Variants in STK17A observed in about 807,000 individuals in gnomAD.
STK17A encodes the protein serine/threonine-protein kinase 17A.
STK17A carries 26 observed loss-of-function variants against 43.7 expected under a neutral mutation model. The ratio of observed to expected loss-of-function variants is 0.60; its 90% CI spans 0.44 to 0.83. STK17A has a LOEUF of 0.83. Ranked by LOEUF, STK17A falls within the 40% of genes least tolerant of loss-of-function variation. STK17A has a pLI of 0.00. For synonymous variants in STK17A, 191 were observed against 182.5 expected, an observed-to-expected ratio of 1.05 and a Z score of -0.38; for missense variants, 476 against 511.6, an observed-to-expected ratio of 0.93 and a Z score of 0.67.
chr7:43,615,780 A>G (rs1000008037), intron 3 of STK17A, among the ~76,000 whole-genome samples: 2 of 151,936 alleles, frequency 1.3e-5, no homozygotes, highest in African/African-American at 4.8e-5. Context: ...TACGGCCTCT[A>G]TACTTCTCTT....
At chr7:43,613,426 T>A (rs914512920) in intron 3 of STK17A, among the ~76,000 whole-genome samples, 1 of 152,232 alleles carries the variant, frequency 6.6e-6, no homozygotes, top group African/African-American at 2.4e-5. Context: ...ATCAGGAACT[T>A]GAGCATCACA....
chr7:43,606,177 A>T (rs1350293718), intron 2 of STK17A, among the ~76,000 whole-genome samples: 1 of 152,156 alleles, frequency 6.6e-6, no homozygotes, highest in Non-Finnish European at 1.5e-5. Flanking sequence ...AGACATACTT[A>T]TTTGTAATTA....
rs757949442 is a variant in STK17A at position 43,583,302 on chromosome 7, C to T, written c.59C>T (p.Ser20Leu). 13 of 1,529,896 alleles carry T rather than the reference C, an allele frequency of 8.5e-6. No individual in the cohort carries two copies. The South Asian group carries it at 8.5e-5, about 10-fold the overall frequency. The allele number at this position is 1,529,896 out of a possible 1,614,324, so 94.8% of individuals were successfully genotyped here. The stretch of plus-strand genomic sequence containing the variant: ...TCCTCCCCAGGCGCCACCTCAGGCT[C>T]GGGCCGGGCAGGCCGGGGTCTGAGC... ...GGSSPGATSG[S>L]GRAGRGLSGP... The change falls in exon 1 of 7, where the codon TCG (serine) becomes TTG (leucine). Residue 20 changes from serine to leucine, a missense_variant. Ser to Leu is a moderately radical substitution (Grantham distance 145). Transcript: ENST00000319357.
chr7:43,608,379 T>C lies in STK17A; in HGVS notation c.543T>C (p.Asp181=). The C allele has an allele frequency of 6.2e-7, 1 of 1,608,380 alleles. No homozygotes were observed. Among genetic ancestry groups the C allele is most frequent in the Non-Finnish European group, 8.5e-7 (1 of 1,178,534 alleles). ...GTGTTCACTTTTTACACACTCGTGA[T>C]GTAGTTCATCTTGATTTGAAGGTAA... The part of the protein sequence containing the change: ...LEGVHFLHTR[D]VVHLDLKPQN... Residue 181 remains aspartate (D), a synonymous_variant, in exon 3 of 7, where the codon GAT becomes GAC. Coordinates refer to ENST00000319357, the MANE Select transcript of STK17A (RefSeq NM_004760.3).
At chr7:43,586,649 G>A (rs1172039803) in intron 1 of STK17A, among the ~76,000 whole-genome samples, 1 of 151,274 alleles carries the variant, frequency 6.6e-6, no homozygotes, top group Non-Finnish European at 1.5e-5. Context: ...ACAGAAAGAT[G>A]TTTCAAGGAA....
intron 2 of STK17A, among the ~76,000 whole-genome samples, chr7:43,596,859 C>T (rs552087802): frequency 1.6e-5 from 2 of 124,338 alleles, no homozygotes; most frequent in East Asian, 4.6e-4. Context: ...CAAAGTGAGA[C>T]TCCATCTCAA....
chr7:43,624,461 C>A, intron 6 of STK17A, 57 bp from the exon 7 acceptor site: 1 of 1,501,962 alleles, frequency 6.7e-7, no homozygotes, highest in Non-Finnish European at 8.9e-7. Flanking sequence ...GTACCTTATG[C>A]TCTAATTTTA....
rs749053977 is a variant in STK17A at position 43,610,695 on chromosome 7, C to T, written c.564+2295C>T. Among the ~76,000 whole-genome samples, 4 of 151,972 alleles carry T rather than the reference C, an allele frequency of 2.6e-5. No individual in the cohort carries two copies. The South Asian group carries it at 6.2e-4, about 24-fold the overall frequency. On this transcript the variant is annotated intron_variant, in intron 3 of 6. Coordinates refer to ENST00000319357, the MANE Select transcript of STK17A (RefSeq NM_004760.3). ...AAAAGAACTGCTATATGGCACATTC[C>T]GTAATACCTTTGTTTATTTATATAG...
Position 43,619,872 on chromosome 7 carries a change from C to A in STK17A, c.691+149C>A. The stretch of plus-strand genomic sequence containing the variant: ...ATCTATTCCTTTGGATTACATTTTA[C>A]AATGGAAAACGTTCAAGAGTAAGAT... On this transcript the variant is annotated intron_variant, in intron 4 of 6. Coordinates refer to ENST00000319357, the MANE Select transcript of STK17A (RefSeq NM_004760.3). 2.7e-6 allele frequency: 3 copies of A among 1,106,662 alleles called. No homozygotes were observed. In the South Asian group the frequency reaches 4.9e-5, roughly 18 times the overall value. 68.6% of individuals were successfully genotyped at this position (1,106,662 alleles called of 1,614,324 possible).
intron 1 of STK17A, among the ~76,000 whole-genome samples, chr7:43,584,104 C>A (rs1035670096): frequency 6.6e-6 from 1 of 152,128 alleles, no homozygotes; most frequent in Non-Finnish European, 1.5e-5. Context: ...CTTCTCCCCC[C>A]ACCCCACGCT....
chr7:43,583,121 C>T lies in STK17A; in HGVS notation c.-123C>T, dbSNP rs1390174403. On this transcript the variant is annotated 5_prime_UTR_variant, in exon 1 of 7. Coordinates refer to ENST00000319357, the MANE Select transcript of STK17A (RefSeq NM_004760.3). ...AGTCTGCCTGCCGCAGTCCGAGCGC[C>T]GCGCTGGGGAGAGCGGGTGTTTGAA... 2 of 1,074,090 alleles carry T rather than the reference C, an allele frequency of 1.9e-6. No homozygotes were observed. Among genetic ancestry groups the T allele is most frequent in the Middle Eastern group, 2.8e-4 (1 of 3,534 alleles). The allele number at this position is 1,074,090 out of a possible 1,614,324, so 66.5% of individuals were successfully genotyped here.
intron 1 of STK17A, among the ~76,000 whole-genome samples, chr7:43,583,758 G>A (rs2082419848): frequency 6.6e-6 from 1 of 152,228 alleles, no homozygotes; most frequent in African/African-American, 2.4e-5. Flanking sequence ...ACGAGAGAAG[G>A]TGCGGGCCGC....
rs2084125159 is a variant in STK17A, at chr7:43,623,374, G to A, written c.692-198G>A. Reference sequence around the variant, plus strand: ...AGGGACTCAACAATGGTGGGTAGAAGTGTGAAAAGTAAACAAGTTAATTAC... The same window carrying A: ...AGGGACTCAACAATGGTGGGTAGAAATGTGAAAAGTAAACAAGTTAATTAC... On this transcript the variant is annotated intron_variant, in intron 4 of 6. Transcript: ENST00000319357. The A allele has an allele frequency of 7.2e-6, 4 of 554,442 alleles. No homozygotes were observed. The East Asian group carries it at 1.3e-4, about 17-fold the overall frequency. The allele number at this position is 554,442 out of a possible 1,614,324, so 34.3% of individuals were successfully genotyped here.
intron 1 of STK17A, among the ~76,000 whole-genome samples, chr7:43,584,264 A>G (rs960063222): frequency 1.3e-5 from 2 of 152,132 alleles, no homozygotes; most frequent in Non-Finnish European, 2.9e-5. Flanking sequence ...CCTTGAGAAC[A>G]GTTTGAAGAA....
intron 3 of STK17A, among the ~76,000 whole-genome samples, chr7:43,619,280 G>A (rs2153004530): frequency 6.6e-6 from 1 of 152,284 alleles, no homozygotes. Flanking sequence ...TGAGCTTTGA[G>A]GGAATAGTAG....
rs779129137 is a variant in STK17A at position 43,624,615 on chromosome 7, G to C, written c.1018G>C (p.Ala340Pro). Residue 340 changes from alanine (A) to proline (P), a missense_variant, in exon 7 of 7, where the codon GCA becomes CCA. By Grantham distance (27) the Ala-to-Pro change is conservative (BLOSUM62 -1). Coordinates refer to ENST00000319357, the MANE Select transcript of STK17A (RefSeq NM_004760.3). ...SFRMEKALEE[A>P]NALQEGHSVP... is the part of the protein sequence containing the mutation. ...CAGGATGGAAAAGGCACTAGAAGAAGCAAATGCCCTCCAAGAAGGTCATTC... is the reference window on the plus strand; with the variant it reads ...CAGGATGGAAAAGGCACTAGAAGAACCAAATGCCCTCCAAGAAGGTCATTC... The C allele has an allele frequency of 2.5e-6, 4 of 1,613,984 alleles. No individual in the cohort carries two copies. The African/African-American group carries it at 5.3e-5, about 22-fold the overall frequency.
rs770356144 is a variant in STK17A at position 43,608,374 on chromosome 7, C to T, written c.538C>T (p.Arg180Cys). Residue 180 changes from arginine to cysteine, a missense_variant, in exon 3 of 7, where the codon CGT (arginine) becomes TGT (cysteine). Coordinates refer to ENST00000319357, the MANE Select transcript of STK17A (RefSeq NM_004760.3). ...AGAAGGTGTTCACTTTTTACACACT[C>T]GTGATGTAGTTCATCTTGATTTGAA... Reference protein sequence around the residue: ...ILEGVHFLHTRDVVHLDLKPQ... With the variant: ...ILEGVHFLHTCDVVHLDLKPQ... The T allele has an allele frequency of 5.0e-6, 8 of 1,608,932 alleles. No homozygotes were observed. The highest frequency in any genetic ancestry group is 4.0e-5 in the African/African-American group (3 of 74,660).
At chr7:43,594,888 AAAG>A (rs1366994207) in intron 1 of STK17A, among the ~76,000 whole-genome samples, 71 of 149,884 alleles carry the variant, frequency 4.7e-4, no homozygotes, top group South Asian at 3.8e-3. Flanking sequence ...AAAAAAAAAA[AAAG>A]AAAGAAAGAA....
At chr7:43,619,507 T>C in intron 3 of STK17A, 90 bp from the exon 4 acceptor site, 1 of 1,478,214 alleles carries the variant, frequency 6.8e-7, no homozygotes, top group Non-Finnish European at 9.1e-7. Context: ...TCAGTCTCAG[T>C]TTCATAGGTG....
Sources: allele counts gnomAD v4.1 joint callset (sites outside exome capture counted in the v4.1 genomes callset), GRCh38; gene constraint gnomAD v4.1.1; transcripts MANE v1.5; gene names NCBI Gene and HGNC (gene_info 2026-07-23, HGNC 2026-07-21).